The following LZTS1 variants were observed in gnomAD, a reference collection of about 807,000 sequenced individuals.
LZTS1 encodes the protein leucine zipper tumor suppressor 1.
LZTS1 carries 31 observed loss-of-function variants against 45.8 expected under a neutral mutation model. The ratio of observed to expected loss-of-function variants is 0.68; its 90% confidence interval spans 0.51 to 0.91. LZTS1 has a LOEUF of 0.91. LZTS1 is among the 40% of genes least tolerant of loss of function. The pLI is 0.00. For missense variants in LZTS1, 821 were observed against 788.9 expected, an observed-to-expected ratio of 1.04 and a Z score of -0.49; for synonymous variants, 359 against 357.3, an observed-to-expected ratio of 1.00 and a Z score of -0.05.
intron 1 of LZTS1, among the ~76,000 whole-genome samples, chr8:20,295,375 G>C (rs1019698837): frequency 1.3e-5 from 2 of 152,228 alleles, no homozygotes; most frequent in African/African-American, 4.8e-5. Context: ...TGAGATTGCA[G>C]ACCAAGCCCT....
At chr8:20,254,406 G>A (rs892128996) in intron 2 of LZTS1, among the ~76,000 whole-genome samples, 2 of 152,126 alleles carry the variant, frequency 1.3e-5, no homozygotes, top group African/African-American at 4.8e-5. Flanking sequence ...TGAGAAGACC[G>A]CACCCACCCC....
intron 2 of LZTS1, among the ~76,000 whole-genome samples, chr8:20,254,478 C>G (rs1800036312): frequency 6.6e-6 from 1 of 152,190 alleles, no homozygotes; most frequent in South Asian, 2.1e-4. Context: ...ATCTGTGCTT[C>G]CAGATGAGAA....
intron 2 of LZTS1, among the ~76,000 whole-genome samples, chr8:20,254,355 C>T (rs1417501612): frequency 6.6e-6 from 1 of 152,164 alleles, no homozygotes; most frequent in Non-Finnish European, 1.5e-5. Flanking sequence ...TGCCCCCAGG[C>T]GCAGCTTGAA....
At chr8:20,303,578 C>T (rs1418352829) in intron 1 of LZTS1, among the ~76,000 whole-genome samples, 162 bp downstream of exon 1, 1 of 151,858 alleles carries the variant, frequency 6.6e-6, no homozygotes. Flanking sequence ...GACAGCTCCA[C>T]GCGGAGACAA....
chr8:20,297,407 GTT>G (rs1220922332), intron 1 of LZTS1, among the ~76,000 whole-genome samples: 1 of 145,566 alleles, frequency 6.9e-6, no homozygotes, highest in Non-Finnish European at 1.5e-5. Flanking sequence ...ACTTTATTGT[GTT>G]TGTTTGTTTG....
intron 1 of LZTS1, among the ~76,000 whole-genome samples, chr8:20,268,522 G>C (rs1312118920): frequency 6.6e-6 from 1 of 151,898 alleles, no homozygotes; most frequent in Non-Finnish European, 1.5e-5. Context: ...AGATGAGGGG[G>C]AAAGGGGTTG....
intron 1 of LZTS1, among the ~76,000 whole-genome samples, chr8:20,274,608 C>A (rs1206215591): frequency 6.6e-6 from 1 of 152,162 alleles, no homozygotes; most frequent in African/African-American, 2.4e-5. Context: ...AGCTGGACAG[C>A]GTAACCCAAT....
chr8:20,292,399 G>A (rs1800914887), intron 1 of LZTS1, among the ~76,000 whole-genome samples: 1 of 152,198 alleles, frequency 6.6e-6, no homozygotes, highest in South Asian at 2.1e-4. Flanking sequence ...TTTTGTTTGG[G>A]TTTGGCTTAA....
At chr8:20,261,773 C>T (rs1411790373) in intron 1 of LZTS1, among the ~76,000 whole-genome samples, 4 of 152,210 alleles carry the variant, frequency 2.6e-5, no homozygotes, top group South Asian at 2.1e-4. Context: ...CGCCAAGTCC[C>T]GGGTTCTGGC....
chr8:20,258,942 C>G (rs1012224385), intron 1 of LZTS1, among the ~76,000 whole-genome samples: 2 of 152,160 alleles, frequency 1.3e-5, no homozygotes, highest in Non-Finnish European at 2.9e-5. Flanking sequence ...AAACTTGACA[C>G]TGACAAAATG....
intron 1 of LZTS1, among the ~76,000 whole-genome samples, chr8:20,264,557 T>C (rs1219346122): frequency 1.3e-5 from 2 of 152,156 alleles, no homozygotes; most frequent in African/African-American, 2.4e-5. Context: ...AAGTTGCTGT[T>C]ACTCAGAAGA....
intron 1 of LZTS1, among the ~76,000 whole-genome samples, chr8:20,285,677 ACAAT>A (rs1356630872): frequency 6.6e-6 from 1 of 152,236 alleles, no homozygotes; most frequent in Non-Finnish European, 1.5e-5. Flanking sequence ...CAATACAATC[ACAAT>A]CAACATCCTA....
At chr8:20,286,034 G>T (rs1449221696) in intron 1 of LZTS1, among the ~76,000 whole-genome samples, 2 of 152,144 alleles carry the variant, frequency 1.3e-5, no homozygotes, top group African/African-American at 2.4e-5. Context: ...AATGCAAAAG[G>T]TTAACACCCT....
intron 1 of LZTS1, among the ~76,000 whole-genome samples, chr8:20,264,703 C>T (rs1800312682): frequency 6.6e-6 from 1 of 152,208 alleles, no homozygotes; most frequent in Non-Finnish European, 1.5e-5. Context: ...GAACTCGAGG[C>T]ACAACCAGCC....
intron 1 of LZTS1, among the ~76,000 whole-genome samples, chr8:20,261,641 G>A (rs1222295600): frequency 1.3e-5 from 2 of 152,238 alleles, no homozygotes; most frequent in Non-Finnish European, 2.9e-5. Context: ...TGTGGAGAGA[G>A]AGGCATGGAG....
chr8:20,300,517 A>G (rs1801056812), intron 1 of LZTS1, among the ~76,000 whole-genome samples: 1 of 152,012 alleles, frequency 6.6e-6, no homozygotes. Context: ...TATTTTTAGT[A>G]GAGACGGTGT....
chr8:20,252,768 C>A lies in LZTS1; in HGVS notation c.1149+14G>T. The A allele has an allele frequency of 1.3e-6, 2 of 1,507,800 alleles. No individual in the cohort carries two copies. Among genetic ancestry groups the A allele is most frequent in the Middle Eastern group, 2.4e-4 (1 of 4,204 alleles). 93.4% of individuals were successfully genotyped at this position (1,507,800 alleles called of 1,614,324 possible). A position where few individuals can be genotyped will look rare whatever the true frequency, so the allele number is the denominator to read the frequency against. On this transcript the variant is annotated intron_variant, in intron 3 of 3. Transcript: ENST00000381569. ...CGCTGACCACCCAAACCCATGAGCCCTGTGTGGCCTCACCTCCCACTGGGT... is the reference window on the plus strand; with the variant it reads ...CGCTGACCACCCAAACCCATGAGCCATGTGTGGCCTCACCTCCCACTGGGT...
chr8:20,286,442 C>T (rs929946789), intron 1 of LZTS1, among the ~76,000 whole-genome samples: 2 of 152,120 alleles, frequency 1.3e-5, no homozygotes, highest in African/African-American at 4.8e-5. Flanking sequence ...AAGTTAAAAT[C>T]ATAATTAAAT....
intron 1 of LZTS1, among the ~76,000 whole-genome samples, chr8:20,255,655 A>G: frequency 6.6e-6 from 1 of 151,790 alleles, no homozygotes; most frequent in East Asian, 1.9e-4. Context: ...TGCGGGTACC[A>G]GTGCTGCGGG....
Sources: allele counts gnomAD v4.1 joint callset (sites outside exome capture counted in the v4.1 genomes callset), GRCh38; gene constraint gnomAD v4.1.1; transcripts MANE v1.5; gene names NCBI Gene and HGNC (gene_info 2026-07-23, HGNC 2026-07-21).